Variants in TTC34 observed in about 807,000 individuals in gnomAD.
TTC34 encodes the protein tetratricopeptide repeat domain 34, also known as tetratricopeptide repeat protein 34.
A neutral mutation model predicts 40.7 loss-of-function variants in TTC34; 44 were observed. The observed-to-expected ratio is 1.08, with a 90% CI of 0.85 to 1.39. The LOEUF (loss-of-function observed/expected upper bound fraction) is 1.39. Ranked by LOEUF, TTC34 falls within the 40% of genes most tolerant of loss-of-function variation. TTC34 has a pLI of 0.00. For synonymous variants in TTC34, 422 were observed against 398.6 expected (o/e 1.06, Z -0.70); for missense variants, 884 against 838.0 (o/e 1.05, Z -0.68).
rs1639084069 is a variant in TTC34, at chr1:2,649,463, C to T, written c.2227-3900G>A. 2.0e-5 allele frequency among the ~76,000 whole-genome samples: 3 copies of T among 151,908 alleles called. No individual in the cohort carries two copies. The South Asian group carries it at 6.2e-4, about 32-fold the overall frequency. Reference sequence around the variant, plus strand: ...CCATACCCAGGTGAGCATCTGAAACCCTCCAGCAGCACTCACCACCCCAAG... The same window carrying T: ...CCATACCCAGGTGAGCATCTGAAACTCTCCAGCAGCACTCACCACCCCAAG... On this transcript the variant is annotated intron_variant, in intron 6 of 8. Coordinates refer to ENST00000401095, the Ensembl canonical transcript of TTC34.
At chr1:2,790,987 T>G (rs1643656474) in intron 2 of TTC34, among the ~76,000 whole-genome samples, 1 of 152,144 alleles carries the variant, frequency 6.6e-6, no homozygotes, top group African/African-American at 2.4e-5. Context: ...TGCACTATAA[T>G]GGGTTATAAT....
chr1:2,788,503 G>A lies in TTC34; in HGVS notation c.1629-797C>T, dbSNP rs150756144. Reference sequence around the variant, plus strand: ...CTCCAAGAACCGCCCCCACCCCCCGGACTCAGTGCTTTTAACTTTGCTGAA... The same window carrying A: ...CTCCAAGAACCGCCCCCACCCCCCGAACTCAGTGCTTTTAACTTTGCTGAA... On this transcript the variant is annotated intron_variant, in intron 3 of 8. Coordinates refer to ENST00000401095, the Ensembl canonical transcript of TTC34. Among the ~76,000 whole-genome samples the A allele has an allele frequency of 3.1e-3, 477 of 152,162 alleles. 5 individuals carry two copies. The highest frequency in any genetic ancestry group is 0.011 in the African/African-American group (460 of 41,486).
intron 6 of TTC34, among the ~76,000 whole-genome samples, chr1:2,769,785 C>T (rs1642001156): frequency 7.6e-6 from 1 of 132,426 alleles, no homozygotes; most frequent in Admixed American, 7.3e-5. Flanking sequence ...TGGAGCAGCG[C>T]CCACACCCCC....
chr1:2,694,119 G>A (rs1640752243), intron 6 of TTC34, among the ~76,000 whole-genome samples: 5 of 146,010 alleles, frequency 3.4e-5, no homozygotes, highest in South Asian at 2.2e-4. Context: ...CCCCAGGTGC[G>A]CACGTGACAG....
intron 6 of TTC34, among the ~76,000 whole-genome samples, chr1:2,751,681 C>T (rs1641325394): frequency 6.7e-6 from 1 of 149,418 alleles, no homozygotes; most frequent in African/African-American, 2.5e-5. Flanking sequence ...TGGATCAGCA[C>T]CCACAACCCC....
At chr1:2,687,736 A>G (rs569879539) in intron 6 of TTC34, among the ~76,000 whole-genome samples, 33 of 150,450 alleles carry the variant, frequency 2.2e-4, no homozygotes, top group Non-Finnish European at 4.4e-4. Context: ...CCCCCAGGTG[A>G]ACATCCGACA....
At chr1:2,749,598 C>T (rs1359573129) in intron 6 of TTC34, among the ~76,000 whole-genome samples, 1 of 113,390 alleles carries the variant, frequency 8.8e-6, no homozygotes, top group East Asian at 2.6e-4. Flanking sequence ...GGAGCAGCAC[C>T]CACACCCCCA....
At chr1:2,750,282 AC>A (rs1405796205) in intron 6 of TTC34, among the ~76,000 whole-genome samples, 65 of 4,500 alleles carry the variant, frequency 0.014, no homozygotes, top group East Asian at 0.049. Flanking sequence ...AAGAGCCCAG[AC>A]CCCCAGGTGA....
At chr1:2,695,399 C>T (rs1413801655) in intron 6 of TTC34, among the ~76,000 whole-genome samples, 2 of 81,254 alleles carry the variant, frequency 2.5e-5, no homozygotes, top group South Asian at 4.5e-4. Context: ...CCCATACCCC[C>T]AGGTGAGCAT....
rs935470728 is a variant in TTC34 at position 2,787,684 on chromosome 1, G to C, written c.1651C>G (p.Leu551Val). 6.5e-6 allele frequency: 10 copies of C among 1,546,678 alleles called. No homozygotes were observed. The African/African-American group carries it at 9.6e-5, about 15-fold the overall frequency. ...TCCAGCTCCATCAGCAGTGTGGCCA[G>C]CTGGTGCACGCCGCAGGCGACCCTG... Residue 551 changes from leucine (L) to valine (V), a missense_variant, in exon 4 of 9, where the codon CTG (leucine) becomes GTG (valine). By Grantham distance (32) the Leu-to-Val change is conservative. Transcript: ENST00000401095.
intron 6 of TTC34, among the ~76,000 whole-genome samples, chr1:2,752,413 C>A (rs1641351369): frequency 3.4e-5 from 5 of 147,244 alleles, no homozygotes; most frequent in Non-Finnish European, 7.5e-5. Context: ...ACCCACACAC[C>A]CAGGTGAGCA....
chr1:2,748,941 G>C lies in TTC34; in HGVS notation c.2226+34668C>G, dbSNP rs1198781199. ...CACACCGCCAGGGGAGTATCTGACA[G>C]ACTGGAACAGCACCCTGCTTCCCCA... On this transcript the variant is annotated intron_variant, in intron 6 of 8. Coordinates refer to ENST00000401095, the Ensembl canonical transcript of TTC34. Among the ~76,000 whole-genome samples the C allele has an allele frequency of 3.0e-4, 20 of 67,656 alleles. 4 individuals are homozygous for C. Among genetic ancestry groups the C allele is most frequent in the African/African-American group, 1.7e-3 (20 of 11,512 alleles). The allele number at this position is 67,656 out of a possible 152,430, so 44.4% of individuals were successfully genotyped here.
chr1:2,646,099 C>G (rs577211268), intron 6 of TTC34, among the ~76,000 whole-genome samples: 1 of 152,304 alleles, frequency 6.6e-6, no homozygotes, highest in Admixed American at 6.5e-5. Flanking sequence ...GGAGGGTGCC[C>G]AGCCCATCTG....
At chr1:2,760,229 G>A (rs1641652813) in intron 6 of TTC34, among the ~76,000 whole-genome samples, 1 of 107,702 alleles carries the variant, frequency 9.3e-6, no homozygotes, top group Non-Finnish European at 1.8e-5. Context: ...AAGTCATGGA[G>A]CAGCACCCAC....
At chr1:2,787,845 A>G in intron 3 of TTC34, 139 bp from the exon 4 acceptor site, 1 of 660,364 alleles carries the variant, frequency 1.5e-6, no homozygotes, top group Non-Finnish European at 2.5e-6. Flanking sequence ...ACGCCACACC[A>G]TCCCCAGAAG....
At chr1:2,637,242 A>T (rs1177467191) in exon 9 of TTC34, 1 of 152,140 alleles carries the variant, frequency 6.6e-6, no homozygotes, top group African/African-American at 2.4e-5. Context: ...GTACATGTAA[A>T]ATAGGTGAAG....
chr1:2,681,675 GC>G (rs1640080751), intron 6 of TTC34, among the ~76,000 whole-genome samples: 2 of 91,332 alleles, frequency 2.2e-5, no homozygotes, highest in African/African-American at 6.9e-5. Flanking sequence ...CCCCAGGTGA[GC>G]ATTTGACAGC....
intron 6 of TTC34, among the ~76,000 whole-genome samples, chr1:2,748,509 C>G (rs1407663148): frequency 0.012 from 1,326 of 114,726 alleles, no homozygotes; most frequent in African/African-American, 0.014. Context: ...TAGCCTGGAG[C>G]AGCACCCACA....
chr1:2,775,549 C>T (rs1262268973), intron 6 of TTC34: 1 of 148,498 alleles, frequency 6.7e-6, no homozygotes, highest in East Asian at 2.0e-4. Context: ...ACCTGCACCA[C>T]ACACCCCAAG....
Sources: gnomAD v4.1 joint callset for allele counts (sites outside exome capture counted in the v4.1 genomes callset) on GRCh38, gnomAD v4.1.1 for gene constraint, MANE v1.5 for transcripts, NCBI Gene and HGNC (gene_info 2026-07-23, HGNC 2026-07-21) for gene names.